Variants in TEKT5 observed in about 807,000 individuals in gnomAD.
TEKT5 encodes tektin 5.
TEKT5 carries 52 observed loss-of-function variants against 48.7 expected under a neutral mutation model. The observed-to-expected ratio is 1.07, with a 90% confidence interval of 0.86 to 1.35. TEKT5 has a LOEUF of 1.35. TEKT5 is among the 40% of genes most tolerant of loss of function. The probability of loss-of-function intolerance (pLI) is 0.00; values close to 1 mark genes in which losing one functional copy is unlikely to be tolerated. For missense variants in TEKT5, 831 were observed against 641.6 expected (o/e 1.30, Z -3.19); for synonymous variants, 318 against 267.6 (o/e 1.19, Z -1.84).
intron 1 of TEKT5, 198 bp from the exon 2 acceptor site, chr16:10,690,223 A>C: frequency 1.7e-6 from 1 of 585,090 alleles, no homozygotes; most frequent in East Asian, 2.8e-5. Flanking sequence ...TTGTCATATG[A>C]CCAAGGCATC....
intron 4 of TEKT5, among the ~76,000 whole-genome samples, chr16:10,679,958 T>A (rs1290924482): frequency 6.8e-6 from 1 of 146,102 alleles, no homozygotes; most frequent in African/African-American, 2.5e-5. Flanking sequence ...AGCTAGCACA[T>A]CTGGGGAGCA....
intron 5 of TEKT5, among the ~76,000 whole-genome samples, chr16:10,660,723 CAG>C (rs61198737): frequency 0.036 from 5,456 of 150,020 alleles, 368 homozygotes; most frequent in African/African-American, 0.13. Flanking sequence ...TATTTGAAGA[CAG>C]AGTCTTGCTC....
intron 4 of TEKT5, 67 bp downstream of exon 4, chr16:10,681,926 G>T: frequency 6.4e-7 from 1 of 1,569,290 alleles, no homozygotes; most frequent in South Asian, 1.2e-5. Context: ...GCCATTCGTT[G>T]GCAGGAGCAG....
intron 5 of TEKT5, among the ~76,000 whole-genome samples, chr16:10,656,612 C>A (rs920393864): frequency 2.6e-5 from 4 of 152,094 alleles, no homozygotes; most frequent in African/African-American, 7.2e-5. Context: ...TAGAAGTGAA[C>A]CCCTAGAAAT....
chr16:10,657,525 A>G (rs1898282073), intron 5 of TEKT5, among the ~76,000 whole-genome samples: 1 of 152,172 alleles, frequency 6.6e-6, no homozygotes, highest in African/African-American at 2.4e-5. Flanking sequence ...AATGACTTCC[A>G]AAGTGATTTT....
At chr16:10,674,061 C>T (rs912017564) in intron 5 of TEKT5, among the ~76,000 whole-genome samples, 2 of 152,148 alleles carry the variant, frequency 1.3e-5, no homozygotes, top group African/African-American at 2.4e-5. Context: ...TCTTCAAAGG[C>T]TCCCCATTGC....
intron 5 of TEKT5, among the ~76,000 whole-genome samples, chr16:10,649,172 G>A (rs1898115485): frequency 6.6e-6 from 1 of 152,150 alleles, no homozygotes; most frequent in East Asian, 1.9e-4. Flanking sequence ...AGGCTGGAGT[G>A]CAGTGGCACT....
chr16:10,646,470 C>T (rs117666895), intron 5 of TEKT5, among the ~76,000 whole-genome samples: 3 of 152,346 alleles, frequency 2.0e-5, no homozygotes, highest in East Asian at 3.9e-4. Context: ...AAGGATTTTA[C>T]AGTCACTTTG....
chr16:10,667,613 A>G (rs2142292752), intron 5 of TEKT5, among the ~76,000 whole-genome samples: 1 of 152,312 alleles, frequency 6.6e-6, no homozygotes, highest in Middle Eastern at 3.4e-3. Context: ...TTGCTCAATT[A>G]AATTCTGTTA....
Position 10,681,963 on chromosome 16 carries a change from A to C in TEKT5, c.863+30T>G, listed in dbSNP as rs774612721. The C allele has an allele frequency of 8.7e-6, 14 of 1,609,676 alleles. No homozygotes were observed. The Admixed American group carries it at 2.3e-4, about 27-fold the overall frequency. ...AGCCCTCACTCCAGTTGGACACGCC[A>C]GGGATGGGGAGGGGGAGTCTGATAC... is the stretch of plus-strand genomic sequence containing the variant. On this transcript the variant is annotated intron_variant, in intron 4 of 6. Coordinates refer to ENST00000283025, the MANE Select transcript of TEKT5 (RefSeq NM_144674.2).
chr16:10,678,540 A>T (rs1351756224), intron 4 of TEKT5, among the ~76,000 whole-genome samples: 1 of 152,202 alleles, frequency 6.6e-6, no homozygotes, highest in African/African-American at 2.4e-5. Flanking sequence ...TTCTGGAGAT[A>T]GGAGTGGCAC....
At chr16:10,666,118 TA>T (rs1247246846) in intron 5 of TEKT5, among the ~76,000 whole-genome samples, 2 of 152,160 alleles carry the variant, frequency 1.3e-5, no homozygotes, top group African/African-American at 4.8e-5. Context: ...TGCACCCATA[TA>T]GGGGTGTGGA....
chr16:10,629,108 T>C (rs917340173), intron 6 of TEKT5, among the ~76,000 whole-genome samples: 1 of 152,004 alleles, frequency 6.6e-6, no homozygotes. Context: ...GTGGGGAGAA[T>C]GTAGAAGATT....
In TEKT5 at chr16:10,694,351, G is replaced by A. The variant is rs746774904; in HGVS notation, c.523C>T (p.Arg175Trp). The A allele has an allele frequency of 2.9e-5, 47 of 1,611,882 alleles. No individual in the cohort carries two copies. Among genetic ancestry groups the A allele is most frequent in the South Asian group, 4.4e-5 (4 of 90,758 alleles). Residue 175 changes from arginine (R) to tryptophan (W), a missense_variant, in exon 1 of 7, where the codon CGG becomes TGG. Transcript: ENST00000283025. ...ENQNLETVKR[R>W]LECAANEVNC... is the part of the protein sequence containing the mutation. ...ACCTCATTGGCCGCGCACTCCAGCC[G>A]CCTCTTGACCGTCTCCAAGTTCTGG... is the stretch of plus-strand genomic sequence containing the variant.
chr16:10,663,522 G>A (rs1364017016), intron 5 of TEKT5, among the ~76,000 whole-genome samples: 4 of 152,312 alleles, frequency 2.6e-5, no homozygotes, highest in African/African-American at 9.6e-5. Flanking sequence ...TCAAATGGTG[G>A]AAGATTTTCA....
At chr16:10,636,030 T>C in intron 5 of TEKT5, 112 bp from the exon 6 acceptor site, 1 of 1,489,456 alleles carries the variant, frequency 6.7e-7, no homozygotes, top group Non-Finnish European at 9.0e-7. Context: ...GCACTTAAGA[T>C]ACTCCTTCCC....
At chr16:10,669,046 T>A (rs973173461) in intron 5 of TEKT5, among the ~76,000 whole-genome samples, 2 of 152,220 alleles carry the variant, frequency 1.3e-5, no homozygotes, top group East Asian at 1.9e-4. Context: ...GAAATTTTTT[T>A]ATGTGAAATC....
chr16:10,649,239 C>A (rs1898116165), intron 5 of TEKT5, among the ~76,000 whole-genome samples: 1 of 152,004 alleles, frequency 6.6e-6, no homozygotes, highest in South Asian at 2.1e-4. Flanking sequence ...CCAACCCAGT[C>A]TCCTATGTAG....
chr16:10,675,536 T>TA lies in TEKT5; in HGVS notation c.1086+422dup, dbSNP rs1187526759. Among the ~76,000 whole-genome samples, 50 of 152,292 alleles carry TA rather than the reference T, an allele frequency of 3.3e-4. 1 individual carries two copies. Among genetic ancestry groups the TA allele is most frequent in the African/African-American group, 9.6e-4 (40 of 41,572 alleles). On this transcript the variant is annotated intron_variant, in intron 5 of 6. Transcript: ENST00000283025. ...CCTCAGCAGGGAACCTTTAGACTGT[T>TA]ACGGTACCGTTCAGGCCTTTGGAAG...
Sources: allele counts gnomAD v4.1 joint callset (sites outside exome capture counted in the v4.1 genomes callset), GRCh38; gene constraint gnomAD v4.1.1; transcripts MANE v1.5; gene names NCBI Gene and HGNC (gene_info 2026-07-23, HGNC 2026-07-21).